The following ENAH variants were observed in gnomAD, a reference collection of about 807,000 sequenced individuals.
The protein encoded by ENAH is ENAH actin regulator.
Under a neutral mutation model 78.7 loss-of-function variants are expected in ENAH, and 23 were observed. The observed-to-expected ratio is 0.29, with a 90% confidence interval of 0.21 to 0.41. The LOEUF is 0.41. ENAH is among the 10% of genes least tolerant of loss of function. The pLI is 1.00. For missense variants in ENAH, 544 were observed against 691.0 expected, an observed-to-expected ratio of 0.79 and a Z score of 2.39; for synonymous variants, 226 against 241.0, an observed-to-expected ratio of 0.94 and a Z score of 0.58.
chr1:225,617,540 TA>T (rs1656015065), intron 1 of ENAH, among the ~76,000 whole-genome samples: 1 of 152,040 alleles, frequency 6.6e-6, no homozygotes, highest in Non-Finnish European at 1.5e-5. Flanking sequence ...AAGTATTTTT[TA>T]AAAAACTGAA....
intron 1 of ENAH, among the ~76,000 whole-genome samples, chr1:225,607,897 C>T (rs2096964963): frequency 6.6e-6 from 1 of 152,124 alleles, no homozygotes; most frequent in African/African-American, 2.4e-5. Context: ...GTCACAGGCC[C>T]ATACCATGGA....
chr1:225,644,883 C>G (rs1157940228), intron 1 of ENAH, among the ~76,000 whole-genome samples: 2 of 152,078 alleles, frequency 1.3e-5, no homozygotes, highest in Non-Finnish European at 2.9e-5. Context: ...TAAACAAACC[C>G]CAGAAAATCA....
chr1:225,560,835 A>C (rs1236275832), intron 2 of ENAH, among the ~76,000 whole-genome samples: 1 of 152,266 alleles, frequency 6.6e-6, no homozygotes, highest in Non-Finnish European at 1.5e-5. Context: ...AAGATGTGTT[A>C]CATTTACTTT....
chr1:225,562,574 A>C (rs2096712701), intron 2 of ENAH, among the ~76,000 whole-genome samples: 1 of 39,398 alleles, frequency 2.5e-5, no homozygotes, highest in African/African-American at 1.6e-4. Context: ...TGCGTCTCAA[A>C]AAAAAAAAAA....
chr1:225,547,061 G>A (rs2151374218), intron 3 of ENAH, among the ~76,000 whole-genome samples: 2 of 150,506 alleles, frequency 1.3e-5, no homozygotes, highest in African/African-American at 4.9e-5. Flanking sequence ...ATTTGTTGTT[G>A]TTGTTGTTTT....
chr1:225,597,904 C>T (rs2096910226), intron 1 of ENAH, among the ~76,000 whole-genome samples: 1 of 151,596 alleles, frequency 6.6e-6, no homozygotes, highest in Non-Finnish European at 1.5e-5. Context: ...ACTTTCTAAT[C>T]AATGACATTT....
In ENAH at chr1:225,519,186, T is replaced by G. The variant is rs773465559; in HGVS notation, c.802+12A>C. ...AGATACAAGAACACAGAAGAGTTTG[T>G]AAACTTCTTACCAGCACTTGATATT... is the stretch of plus-strand genomic sequence containing the variant. On this transcript the variant is annotated intron_variant, in intron 5 of 13. Transcript: ENST00000366843. The G allele has an allele frequency of 1.2e-6, 2 of 1,611,636 alleles. No individual in the cohort carries two copies. Among genetic ancestry groups the G allele is most frequent in the African/African-American group, 2.7e-5 (2 of 74,962 alleles).
intron 5 of ENAH, 72 bp downstream of exon 5, chr1:225,519,126 A>G: frequency 2.6e-6 from 4 of 1,542,078 alleles, no homozygotes; most frequent in South Asian, 1.3e-5. Flanking sequence ...GAAATATTTT[A>G]ACACATGACT....
intron 3 of ENAH, among the ~76,000 whole-genome samples, chr1:225,549,967 T>C (rs372418629): frequency 2.0e-5 from 3 of 152,186 alleles, no homozygotes; most frequent in African/African-American, 7.2e-5. Flanking sequence ...CTTGATCATA[T>C]CAATCCTTTA....
chr1:225,565,661 C>T (rs938335700), intron 2 of ENAH, among the ~76,000 whole-genome samples: 4 of 151,926 alleles, frequency 2.6e-5, no homozygotes, highest in African/African-American at 9.7e-5. Context: ...CCCATAATAA[C>T]ATCTTGGGGT....
intron 2 of ENAH, among the ~76,000 whole-genome samples, chr1:225,557,119 T>C (rs965314777): frequency 1.3e-5 from 2 of 152,292 alleles, no homozygotes; most frequent in South Asian, 4.1e-4. Context: ...TCTCAGTCCT[T>C]TGTGTGCAGC....
At chr1:225,617,415 T>C (rs114918477) in intron 1 of ENAH, among the ~76,000 whole-genome samples, 286 of 152,300 alleles carry the variant, frequency 1.9e-3, no homozygotes, top group African/African-American at 3.8e-3. Context: ...TAGATAGAAA[T>C]TGGGGTTACT....
chr1:225,500,572 T>G (rs2096276197), intron 12 of ENAH, among the ~76,000 whole-genome samples: 1 of 152,208 alleles, frequency 6.6e-6, no homozygotes, highest in Non-Finnish European at 1.5e-5. Context: ...TTTTCAGGCT[T>G]TTGATTCTGT....
intron 6 of ENAH, among the ~76,000 whole-genome samples, chr1:225,516,936 A>AGTGT (rs2096423163): frequency 6.6e-6 from 1 of 152,034 alleles, no homozygotes; most frequent in Admixed American, 6.5e-5. Flanking sequence ...CTTAAATACT[A>AGTGT]GAAAACATCT....
At chr1:225,529,392 G>A (rs935741705) in intron 4 of ENAH, among the ~76,000 whole-genome samples, 25 of 151,976 alleles carry the variant, frequency 1.6e-4, no homozygotes, top group Admixed American at 1.6e-3. Flanking sequence ...TCATCTCAAT[G>A]AGATCTACCC....
intron 1 of ENAH, among the ~76,000 whole-genome samples, chr1:225,611,827 T>G (rs961333982): frequency 6.6e-6 from 1 of 152,132 alleles, no homozygotes; most frequent in Admixed American, 6.5e-5. Flanking sequence ...TGCTGAACAT[T>G]TTTAGTCATT....
intron 1 of ENAH, among the ~76,000 whole-genome samples, chr1:225,591,430 T>G (rs1232669867): frequency 6.7e-6 from 1 of 148,986 alleles, no homozygotes; most frequent in Non-Finnish European, 1.5e-5. Flanking sequence ...ACTGCGCCAT[T>G]GCACTCCAGC....
intron 10 of ENAH, among the ~76,000 whole-genome samples, chr1:225,511,201 T>C (rs1575342876): frequency 6.6e-6 from 1 of 152,356 alleles, no homozygotes. Context: ...GTTCAATAGA[T>C]AGTCCAGCCC....
chr1:225,635,634 C>CTTA (rs931340153), intron 1 of ENAH, among the ~76,000 whole-genome samples: 8 of 152,266 alleles, frequency 5.3e-5, no homozygotes, highest in African/African-American at 1.9e-4. Flanking sequence ...GAAGTCCTAA[C>CTTA]CCTCAGTATA....
Sources: allele counts gnomAD v4.1 joint callset (sites outside exome capture counted in the v4.1 genomes callset), GRCh38; gene constraint gnomAD v4.1.1; transcripts MANE v1.5; gene names NCBI Gene and HGNC (gene_info 2026-07-23, HGNC 2026-07-21).